WDFY4: variants seen among roughly 807,000 people sequenced by gnomAD.
WDFY4 encodes the protein WD repeat- and FYVE domain-containing protein 4.
A neutral mutation model predicts 351.9 loss-of-function variants in WDFY4; 169 were observed. That is an observed-to-expected ratio of 0.48 (90% CI 0.42 to 0.55). The LOEUF is 0.55. Ranked by LOEUF, WDFY4 falls within the 20% of genes least tolerant of loss-of-function variation. WDFY4 has a pLI of 0.00. For missense variants in WDFY4, 3,803 were observed against 3,935.6 expected, an observed-to-expected ratio of 0.97 and a Z score of 0.90; for synonymous variants, 1,622 against 1,574.6, an observed-to-expected ratio of 1.03 and a Z score of -0.71.
chr10:48,752,999 G>A (rs758088537), intron 12 of WDFY4, among the ~76,000 whole-genome samples: 2 of 152,094 alleles, frequency 1.3e-5, no homozygotes, highest in African/African-American at 4.8e-5. Flanking sequence ...AATATAAAAG[G>A]TTTTCAATTT....
intron 39 of WDFY4, among the ~76,000 whole-genome samples, chr10:48,833,190 A>G (rs2068257390): frequency 6.6e-6 from 1 of 151,680 alleles, no homozygotes. Context: ...AGAGAGAGAG[A>G]GAGAGAGATC....
intron 51 of WDFY4, among the ~76,000 whole-genome samples, chr10:48,953,292 C>T (rs543469267): frequency 1.4e-5 from 2 of 146,986 alleles, no homozygotes; most frequent in East Asian, 2.1e-4. Context: ...TGCTTCATCG[C>T]ATGAGATATG....
At chr10:48,776,685 T>TGC in intron 15 of WDFY4, 65 bp from the exon 16 acceptor site, 1 of 1,391,222 alleles carries the variant, frequency 7.2e-7, no homozygotes, top group Non-Finnish European at 9.5e-7. Context: ...TTTGGGGTTA[T>TGC]TGTCAGAAGC....
chr10:48,741,109 T>C (rs193030362), intron 11 of WDFY4, among the ~76,000 whole-genome samples: 63 of 151,168 alleles, frequency 4.2e-4, no homozygotes, highest in Non-Finnish European at 1.9e-4. Context: ...TTGGCTGCTG[T>C]TTCTCTTCAT....
Position 48,957,275 on chromosome 10 carries a change from A to G in WDFY4, c.8124A>G (p.Val2708=), listed in dbSNP as rs771555275. 82 of 1,551,008 alleles carry G rather than the reference A, an allele frequency of 5.3e-5. No homozygotes were observed. In the East Asian group the frequency reaches 1.8e-3, roughly 35 times the overall value. The part of the protein sequence containing the change: ...LPEFLTNCNG[V]EFGCMQDGTV... ...AGTTCTTAACCAACTGCAACGGGGT[A>G]GAGTTCGGTAAGTGGAGGCCTGGTG... Residue 2708 remains valine, a synonymous_variant, in exon 52 of 62, where the codon GTA becomes GTG. Coordinates refer to ENST00000325239, the MANE Select transcript of WDFY4 (RefSeq NM_001394531.1).
At chr10:48,748,044 C>G (rs764535893) in intron 12 of WDFY4, among the ~76,000 whole-genome samples, 1 of 152,214 alleles carries the variant, frequency 6.6e-6, no homozygotes, top group Non-Finnish European at 1.5e-5. Context: ...AGAATTCCCT[C>G]TCTGGGTTCC....
chr10:48,832,488 G>C, intron 38 of WDFY4, 85 bp from the exon 39 acceptor site: 2 of 1,418,230 alleles, frequency 1.4e-6, no homozygotes, highest in East Asian at 2.7e-5. Context: ...CATGCCCCTG[G>C]CTGGCCCTTT....
In WDFY4 at chr10:48,741,452, CAAAAAAAAAAAAA is replaced by C. The variant is rs55984300; in HGVS notation, c.1879-1500_1879-1488del. Among the ~76,000 whole-genome samples the C allele has an allele frequency of 8.6e-3, 570 of 66,346 alleles. 8 individuals carry two copies. Among genetic ancestry groups the C allele is most frequent in the African/African-American group, 0.037 (546 of 14,830 alleles). The allele number at this position is 66,346 out of a possible 152,430, so 43.5% of individuals were successfully genotyped here. ...TGGGTGACAGAGCAAGACTCCGTCTCAAAAAAAAAAAAAAAAAAAAAAAAAAAATGGAGCTCCC... is the reference window on the plus strand; with the variant it reads ...TGGGTGACAGAGCAAGACTCCGTCTCAAAAAAAAAAAAAAATGGAGCTCCC... On this transcript the variant is annotated intron_variant, in intron 11 of 61. Transcript: ENST00000325239.
chr10:48,892,321 A>AT (rs1554802486), intron 44 of WDFY4, among the ~76,000 whole-genome samples: 2 of 152,222 alleles, frequency 1.3e-5, no homozygotes, highest in Non-Finnish European at 2.9e-5. Flanking sequence ...TGCACTTTTA[A>AT]TAGAAGCCCA....
At chr10:48,963,136 C>T (rs1257879257) in intron 53 of WDFY4, among the ~76,000 whole-genome samples, 1 of 152,146 alleles carries the variant, frequency 6.6e-6, no homozygotes, top group African/African-American at 2.4e-5. Flanking sequence ...CATGAGCCTG[C>T]CCTAGAAGTG....
intron 43 of WDFY4, among the ~76,000 whole-genome samples, chr10:48,885,347 G>A (rs776180624): frequency 5.9e-5 from 9 of 152,180 alleles, no homozygotes; most frequent in South Asian, 4.1e-4. Flanking sequence ...CTAAAAATGC[G>A]CTCCAATTTT....
intron 39 of WDFY4, among the ~76,000 whole-genome samples, chr10:48,865,965 C>T (rs567992245): frequency 1.3e-4 from 20 of 152,030 alleles, no homozygotes; most frequent in Admixed American, 1.2e-3. Flanking sequence ...TAATTTAAGC[C>T]TTTCCTCTTT....
chr10:48,938,106 G>A (rs528208634), intron 47 of WDFY4, among the ~76,000 whole-genome samples: 1 of 152,190 alleles, frequency 6.6e-6, no homozygotes, highest in Non-Finnish European at 1.5e-5. Context: ...TGTGGCTTGC[G>A]TATGCCTAGT....
At position 48,789,929 on chromosome 10, in the gene WDFY4, C is replaced by T. The variant is rs372871297; in HGVS notation, c.4010C>T (p.Ala1337Val). Reference sequence around the variant, plus strand: ...CCCGTGTTCTTGCTGAGGAATTGTGCTGGCCACCTGTCAGGGTCTCTGCGG... The same window carrying T: ...CCCGTGTTCTTGCTGAGGAATTGTGTTGGCCACCTGTCAGGGTCTCTGCGG... ...AMPVFLLRNC[A>V]GHLSGSLRTI... The change falls in exon 22 of 62, where the codon GCT (alanine) becomes GTT (valine). Residue 1337 changes from alanine to valine, a missense_variant. Ala to Val is a moderately conservative substitution (Grantham distance 64). Around this residue, in one of 3 missense-constraint regions of WDFY4, gnomAD observed 3,054 missense variants for 3,148.6 expected, o/e 0.97. Transcript: ENST00000325239. 6.5e-5 allele frequency: 101 copies of T among 1,552,288 alleles called. No homozygotes were observed. The highest frequency in any genetic ancestry group is 8.1e-5 in the Non-Finnish European group (93 of 1,147,146).
At chr10:48,759,813 A>G (rs1461515046) in intron 12 of WDFY4, among the ~76,000 whole-genome samples, 1 of 152,184 alleles carries the variant, frequency 6.6e-6, no homozygotes, top group African/African-American at 2.4e-5. Flanking sequence ...GCTCACTGCC[A>G]GTTCATAGTG....
intron 39 of WDFY4, among the ~76,000 whole-genome samples, chr10:48,840,425 T>TACACATACAC (rs1554788647): frequency 6.9e-6 from 1 of 145,634 alleles, no homozygotes; most frequent in Non-Finnish European, 1.5e-5. Flanking sequence ...CACATACACA[T>TACACATACAC]ACACACACAC....
intron 12 of WDFY4, among the ~76,000 whole-genome samples, chr10:48,751,066 G>A (rs751559587): frequency 6.6e-6 from 1 of 152,198 alleles, no homozygotes; most frequent in African/African-American, 2.4e-5. Context: ...TTCAGATATG[G>A]CTGCTCCTGC....
At chr10:48,766,283 G>T (rs2065667970) in intron 13 of WDFY4, among the ~76,000 whole-genome samples, 1 of 152,160 alleles carries the variant, frequency 6.6e-6, no homozygotes, top group African/African-American at 2.4e-5. Context: ...GACTTCTCAT[G>T]GTAGTCTCTT....
chr10:48,856,987 C>G (rs942976882), intron 39 of WDFY4, among the ~76,000 whole-genome samples: 2 of 152,172 alleles, frequency 1.3e-5, no homozygotes, highest in African/African-American at 4.8e-5. Context: ...TTATCTTTGG[C>G]AGCAAATACT....
Sources: allele counts gnomAD v4.1 joint callset (sites outside exome capture counted in the v4.1 genomes callset), GRCh38; gene constraint gnomAD v4.1.1; regional missense constraint gnomAD v4.1.1; transcripts MANE v1.5; gene names NCBI Gene and HGNC (gene_info 2026-07-23, HGNC 2026-07-21).